The following PCLO variants were observed in gnomAD, a reference collection of about 807,000 sequenced individuals.
PCLO encodes the protein protein piccolo.
In PCLO, 82 loss-of-function variants were observed where a neutral mutation model predicts 427.5. The ratio of observed to expected loss-of-function variants is 0.19; its 90% CI spans 0.16 to 0.23. PCLO has a LOEUF of 0.23. Ranked by LOEUF, PCLO falls within the 10% of genes least tolerant of loss-of-function variation. PCLO has a pLI of 1.00. For missense variants in PCLO, 6,239 were observed against 6,115.9 expected, an observed-to-expected ratio of 1.02 and a Z score of -0.67; for synonymous variants, 2,357 against 2,155.4, an observed-to-expected ratio of 1.09 and a Z score of -2.59.
At chr7:82,832,651 T>C (rs1440787428) in intron 16 of PCLO, among the ~76,000 whole-genome samples, 1 of 152,064 alleles carries the variant, frequency 6.6e-6, no homozygotes, top group Non-Finnish European at 1.5e-5. Flanking sequence ...ACAGTTTCCA[T>C]GTACATATTT....
chr7:83,076,810 G>A (rs1789966096), intron 3 of PCLO, among the ~76,000 whole-genome samples: 1 of 151,666 alleles, frequency 6.6e-6, no homozygotes, highest in African/African-American at 2.4e-5. Context: ...TGAGGAACAT[G>A]TGACCTTCCT....
At chr7:82,978,835 A>AAC (rs764956145) in intron 3 of PCLO, among the ~76,000 whole-genome samples, 1,384 of 129,846 alleles carry the variant, frequency 0.011, 6 homozygotes, top group Admixed American at 0.022. Context: ...AGGAACAAGA[A>AAC]ACACACACAC....
chr7:83,073,032 T>G (rs1789858737), intron 3 of PCLO, among the ~76,000 whole-genome samples: 1 of 151,972 alleles, frequency 6.6e-6, no homozygotes. Flanking sequence ...AAATTTCATC[T>G]CCACCATGCT....
intron 3 of PCLO, among the ~76,000 whole-genome samples, chr7:83,077,798 G>A (rs1789994759): frequency 6.6e-6 from 1 of 151,926 alleles, no homozygotes. Context: ...AGTCAGCAAA[G>A]TGAATATATA....
intron 1 of PCLO, among the ~76,000 whole-genome samples, chr7:83,158,328 A>G (rs1166893386): frequency 2.0e-5 from 3 of 152,042 alleles, no homozygotes; most frequent in Non-Finnish European, 4.4e-5. Context: ...ACATTTCTTT[A>G]TAGGTACACT....
intron 10 of PCLO, among the ~76,000 whole-genome samples, chr7:82,879,046 A>G (rs1275936419): frequency 6.6e-6 from 1 of 152,196 alleles, no homozygotes; most frequent in Non-Finnish European, 1.5e-5. Context: ...ATCACAGATA[A>G]CTAAAGTGTT....
At chr7:83,112,120 C>T (rs752605009) in intron 3 of PCLO, among the ~76,000 whole-genome samples, 14 of 152,070 alleles carry the variant, frequency 9.2e-5, no homozygotes, top group Non-Finnish European at 1.8e-4. Context: ...TGCAGTGGCA[C>T]GATCTTGGTA....
intron 3 of PCLO, among the ~76,000 whole-genome samples, chr7:83,023,099 T>C (rs1788386454): frequency 2.0e-5 from 3 of 152,318 alleles, no homozygotes; most frequent in South Asian, 2.1e-4. Flanking sequence ...CTGTTACCAC[T>C]AGCTATTTTG....
intron 4 of PCLO, among the ~76,000 whole-genome samples, chr7:82,958,180 T>C (rs761323968): frequency 2.6e-5 from 4 of 152,162 alleles, no homozygotes; most frequent in Non-Finnish European, 5.9e-5. Flanking sequence ...GTCTGTATCT[T>C]GTACTGTCTC....
chr7:82,970,607 A>G (rs1271695598), intron 3 of PCLO, among the ~76,000 whole-genome samples: 2 of 151,892 alleles, frequency 1.3e-5, no homozygotes, highest in South Asian at 2.1e-4. Flanking sequence ...AACCAAAAAT[A>G]AAATGTCAAC....
At chr7:83,100,794 C>T (rs1338087591) in intron 3 of PCLO, among the ~76,000 whole-genome samples, 1 of 151,792 alleles carries the variant, frequency 6.6e-6, no homozygotes, top group Non-Finnish European at 1.5e-5. Flanking sequence ...TACTTGTACT[C>T]CTAAACTTAA....
At chr7:82,880,331 T>A (rs1793475251) in intron 9 of PCLO, 2 of 355,894 alleles carry the variant, frequency 5.6e-6, no homozygotes, top group Admixed American at 6.2e-5. Context: ...TGCATAGTGG[T>A]TTTAAGACCA....
chr7:83,038,676 G>A (rs767250388), intron 3 of PCLO, among the ~76,000 whole-genome samples: 23 of 151,926 alleles, frequency 1.5e-4, no homozygotes, highest in Non-Finnish European at 2.8e-4. Flanking sequence ...CATGAATAGT[G>A]CTACTAAAAA....
intron 3 of PCLO, among the ~76,000 whole-genome samples, chr7:83,038,045 A>ATATATT (rs1788861867): frequency 3.4e-4 from 12 of 35,186 alleles, no homozygotes; most frequent in African/African-American, 1.6e-3. Context: ...ATATTTATAT[A>ATATATT]TATATCTTTA....
At chr7:83,011,569 T>G (rs1788077632) in intron 3 of PCLO, among the ~76,000 whole-genome samples, 1 of 151,182 alleles carries the variant, frequency 6.6e-6, no homozygotes, top group Non-Finnish European at 1.5e-5. Context: ...TACATCACAA[T>G]GAAATGTAAA....
Position 82,955,290 on chromosome 7 carries a change from G to C in PCLO, c.5663C>G (p.Thr1888Arg). ...IEVQKVYKLP[T>R]AVSLYSPTDE... is the part of the protein sequence containing the mutation. ...TGTTGGTGAGTATAATGAAACAGCT[G>C]TGGGCAATTTATAAACTTTTTGTAC... is the stretch of plus-strand genomic sequence containing the variant. The change falls in exon 5 of 25, where the codon ACA becomes AGA. Residue 1888 changes from threonine (T) to arginine (R), a missense_variant. Thr to Arg is a moderately conservative substitution (Grantham distance 71). Transcript: ENST00000333891. 6.2e-7 allele frequency: 1 copy of C among 1,613,458 alleles called. No homozygotes were observed.
chr7:83,034,800 A>G (rs1355334803), intron 3 of PCLO, among the ~76,000 whole-genome samples: 1 of 152,188 alleles, frequency 6.6e-6, no homozygotes, highest in Admixed American at 6.5e-5. Flanking sequence ...AGGCAATCAT[A>G]CCAAACTTGT....
rs1584035043 is a variant in PCLO, at chr7:82,841,381, T to C, written c.14097+78A>G. The C allele has an allele frequency of 1.2e-5, 10 of 826,878 alleles. No individual in the cohort carries two copies. The East Asian group carries it at 2.5e-4, about 21-fold the overall frequency. 51.2% of individuals were successfully genotyped at this position (826,878 alleles called of 1,614,324 possible). ...CAGAATAAGAAAAATCCTAACAGTG[T>C]GTTTACAATTTCAACAAACCAGTGG... On this transcript the variant is annotated intron_variant, in intron 14 of 24. Coordinates refer to ENST00000333891, the MANE Select transcript of PCLO (RefSeq NM_033026.6).
At chr7:83,151,374 C>T (rs548552754) in intron 2 of PCLO, among the ~76,000 whole-genome samples, 1 of 152,136 alleles carries the variant, frequency 6.6e-6, no homozygotes, top group African/African-American at 2.4e-5. Flanking sequence ...ATCTGTGTTG[C>T]CATATATTGC....
Sources: allele counts gnomAD v4.1 joint callset (sites outside exome capture counted in the v4.1 genomes callset), GRCh38; gene constraint gnomAD v4.1.1; transcripts MANE v1.5; gene names NCBI Gene and HGNC (gene_info 2026-07-23, HGNC 2026-07-21).